Variants in SPATA16 observed in about 807,000 individuals in gnomAD.
SPATA16 encodes the protein spermatogenesis-associated protein 16.
A neutral mutation model predicts 63.3 loss-of-function variants in SPATA16; 36 were observed. That is an observed-to-expected ratio of 0.57 (90% CI 0.44 to 0.75). The LOEUF is 0.75. Among genes scored for constraint, SPATA16 ranks in the 30% least tolerant of loss-of-function variants. The pLI is 0.00. For synonymous variants in SPATA16, 203 were observed against 216.7 expected, an observed-to-expected ratio of 0.94 and a Z score of 0.56; for missense variants, 646 against 679.3, an observed-to-expected ratio of 0.95 and a Z score of 0.54.
intron 1 of SPATA16, among the ~76,000 whole-genome samples, chr3:173,127,715 C>A (rs1261339423): frequency 3.3e-5 from 5 of 152,376 alleles, no homozygotes; most frequent in Non-Finnish European, 7.3e-5. Context: ...CATACAACGT[C>A]CGCTTGCTTT....
chr3:172,945,842 C>A (rs574586494), intron 6 of SPATA16, among the ~76,000 whole-genome samples: 1 of 152,236 alleles, frequency 6.6e-6, no homozygotes, highest in South Asian at 2.1e-4. Context: ...TGGGTAAGTT[C>A]TGGCGCTATG....
chr3:172,972,546 A>T (rs1274306938), intron 5 of SPATA16, among the ~76,000 whole-genome samples: 1 of 152,230 alleles, frequency 6.6e-6, no homozygotes, highest in Non-Finnish European at 1.5e-5. Flanking sequence ...ACTCCTTCTT[A>T]GAATAATTTG....
chr3:173,084,600 A>G (rs951188348), intron 2 of SPATA16, among the ~76,000 whole-genome samples: 6 of 152,158 alleles, frequency 3.9e-5, no homozygotes, highest in Non-Finnish European at 8.8e-5. Context: ...GCCTGTCTCT[A>G]TGTCCTGAAT....
At chr3:173,059,832 CTTTTTTTTTTTTT>C (rs201000096) in intron 2 of SPATA16, among the ~76,000 whole-genome samples, 82 of 71,338 alleles carry the variant, frequency 1.1e-3, no homozygotes, top group South Asian at 6.8e-3. Context: ...CATTTGGTAG[CTTTTTTTTTTTTT>C]TTTTTTTTTT....
At chr3:172,957,253 C>A (rs1179389219) in intron 5 of SPATA16, among the ~76,000 whole-genome samples, 1 of 152,046 alleles carries the variant, frequency 6.6e-6, no homozygotes, top group Admixed American at 6.6e-5. Flanking sequence ...AATAACACGG[C>A]AAACTAGACA....
chr3:172,941,410 A>G (rs1587420), intron 6 of SPATA16, among the ~76,000 whole-genome samples: 30,905 of 152,166 alleles, frequency 0.2, 3,278 homozygotes, highest in Middle Eastern at 0.29. Context: ...TCTGTAGTTA[A>G]ACTGTAGAAC....
At chr3:173,092,872 C>A (rs529891231) in intron 2 of SPATA16, among the ~76,000 whole-genome samples, 1 of 152,004 alleles carries the variant, frequency 6.6e-6, no homozygotes, top group Non-Finnish European at 1.5e-5. Context: ...TTATGCTTAT[C>A]CTTTGGATTT....
chr3:172,897,766 G>T (rs1407000089), intron 10 of SPATA16, among the ~76,000 whole-genome samples: 1 of 151,984 alleles, frequency 6.6e-6, no homozygotes, highest in Non-Finnish European at 1.5e-5. Flanking sequence ...GTGCCTTAAT[G>T]CAGTGGTTAG....
At chr3:173,110,946 T>G (rs1284155710) in intron 2 of SPATA16, among the ~76,000 whole-genome samples, 1 of 152,212 alleles carries the variant, frequency 6.6e-6, no homozygotes, top group Non-Finnish European at 1.5e-5. Context: ...AAATGAGGCA[T>G]CTGGTGTCCC....
intron 5 of SPATA16, among the ~76,000 whole-genome samples, chr3:172,959,321 C>A (rs1050006198): frequency 6.6e-6 from 1 of 152,206 alleles, no homozygotes; most frequent in Non-Finnish European, 1.5e-5. Flanking sequence ...TGTAGGTTTT[C>A]ATGTGGCAGC....
At position 173,122,248 on chromosome 3, in the gene SPATA16, A is replaced by C. The variant is rs188273323; in HGVS notation, c.-18-4499T>G. The stretch of plus-strand genomic sequence containing the variant: ...AATGTTCAATCATTTCCAGTGGGTA[A>C]CCATTTTAAATTCATTCAGTGGATT... On this transcript the variant is annotated intron_variant, in intron 1 of 10. Transcript: ENST00000351008. Among the ~76,000 whole-genome samples the C allele has an allele frequency of 2.3e-3, 352 of 152,292 alleles. 1 individual carries two copies. Among genetic ancestry groups the C allele is most frequent in the African/African-American group, 8.2e-3 (341 of 41,556 alleles).
intron 2 of SPATA16, among the ~76,000 whole-genome samples, chr3:173,099,374 T>A (rs1401127397): frequency 6.6e-6 from 1 of 152,162 alleles, no homozygotes; most frequent in Non-Finnish European, 1.5e-5. Context: ...ATCTCTTGTG[T>A]CTAACTTATA....
Position 173,117,295 on chromosome 3 carries a change from G to A in SPATA16, c.437C>T (p.Thr146Ile). ...RYEFVESFMS[T>I]GSQPTCQAAE... ...AGCTTGGCATGTTGGCTGACTCCCAGTAGACATGAAGGACTCTACAAACTC... is the reference window on the plus strand; with the variant it reads ...AGCTTGGCATGTTGGCTGACTCCCAATAGACATGAAGGACTCTACAAACTC... Residue 146 changes from threonine to isoleucine, a missense_variant, in exon 2 of 11, where the codon ACT (threonine) becomes ATT (isoleucine). Physicochemically the swap from Thr to Ile is moderately conservative, Grantham distance 89. Transcript: ENST00000351008. 6.2e-7 allele frequency: 1 copy of A among 1,614,144 alleles called. No homozygotes were observed.
intron 1 of SPATA16, among the ~76,000 whole-genome samples, chr3:173,119,627 G>T (rs1330957630): frequency 6.6e-6 from 1 of 152,158 alleles, no homozygotes; most frequent in Non-Finnish European, 1.5e-5. Flanking sequence ...ACACAGTAGG[G>T]TTGTGTTTCT....
At chr3:173,014,054 C>A (rs1735128103) in intron 4 of SPATA16, among the ~76,000 whole-genome samples, 1 of 152,146 alleles carries the variant, frequency 6.6e-6, no homozygotes, top group African/African-American at 2.4e-5. Context: ...AACAGAGCCA[C>A]CATTCAAGTC....
intron 6 of SPATA16, among the ~76,000 whole-genome samples, chr3:172,945,144 T>C (rs867617924): frequency 5.9e-5 from 9 of 152,360 alleles, no homozygotes; most frequent in Middle Eastern, 6.8e-3. Context: ...ATGGTAATTA[T>C]GTAGGTGTTC....
intron 3 of SPATA16, among the ~76,000 whole-genome samples, chr3:173,047,623 C>A (rs529328907): frequency 3.3e-4 from 50 of 152,094 alleles, no homozygotes; most frequent in African/African-American, 1.2e-3. Context: ...ATTTTTCCCA[C>A]AAATCACCCA....
At chr3:173,030,710 A>G (rs1395729301) in intron 3 of SPATA16, among the ~76,000 whole-genome samples, 1 of 152,102 alleles carries the variant, frequency 6.6e-6, no homozygotes, top group African/African-American at 2.4e-5. Flanking sequence ...TACATGATCC[A>G]GCAATTCCAC....
At chr3:173,078,761 T>A (rs1736861298) in intron 2 of SPATA16, among the ~76,000 whole-genome samples, 1 of 152,142 alleles carries the variant, frequency 6.6e-6, no homozygotes, top group Middle Eastern at 3.2e-3. Flanking sequence ...TTTCCCTAAT[T>A]AGTATTGCAG....
Sources: allele counts gnomAD v4.1 joint callset (sites outside exome capture counted in the v4.1 genomes callset), GRCh38; gene constraint gnomAD v4.1.1; transcripts MANE v1.5; gene names NCBI Gene and HGNC (gene_info 2026-07-23, HGNC 2026-07-21).